ANK3: variants seen among roughly 807,000 people sequenced by gnomAD.
ANK3 encodes the protein ankyrin-3.
ANK3 carries 57 observed loss-of-function variants against 370.9 expected under a neutral mutation model. The observed-to-expected ratio is 0.15, with a 90% CI of 0.12 to 0.19. The LOEUF (loss-of-function observed/expected upper bound fraction) is 0.19. Ranked by LOEUF, ANK3 falls within the 10% of genes least tolerant of loss-of-function variation. The pLI, the probability that ANK3 is intolerant of heterozygous loss-of-function variation, is 1.00. For synonymous variants in ANK3, 1,929 were observed against 1,946.3 expected, an observed-to-expected ratio of 0.99 and a Z score of 0.23; for missense variants, 4,439 against 5,302.1, an observed-to-expected ratio of 0.84 and a Z score of 5.06.
chr10:60,294,231 ATT>A (rs1241502600), intron 1 of ANK3, among the ~76,000 whole-genome samples: 4 of 152,116 alleles, frequency 2.6e-5, no homozygotes, highest in Non-Finnish European at 5.9e-5. Context: ...AAACATAACT[ATT>A]TTCTTGCAAT....
intron 2 of ANK3, among the ~76,000 whole-genome samples, chr10:60,543,055 A>G (rs2076885525): frequency 6.6e-6 from 1 of 151,984 alleles, no homozygotes; most frequent in Admixed American, 6.6e-5. Flanking sequence ...GGATTGTGCT[A>G]TCTATATTAC....
intron 1 of ANK3, among the ~76,000 whole-genome samples, chr10:60,682,519 G>A (rs74155686): frequency 1.6e-4 from 24 of 151,952 alleles, no homozygotes; most frequent in East Asian, 1.9e-4. Context: ...GTGTTAGGCC[G>A]CAGGCACAGG....
intron 1 of ANK3, among the ~76,000 whole-genome samples, chr10:60,358,189 A>T (rs948734396): frequency 6.6e-6 from 1 of 151,990 alleles, no homozygotes; most frequent in African/African-American, 2.4e-5. Context: ...TATGTCATTT[A>T]TCTGCTGCAT....
chr10:60,693,048 A>C (rs1589036117), intron 1 of ANK3, among the ~76,000 whole-genome samples: 1 of 152,184 alleles, frequency 6.6e-6, no homozygotes, highest in South Asian at 2.1e-4. Context: ...GGTGCAGTGC[A>C]CCATGCACGA....
intron 42 of ANK3, among the ~76,000 whole-genome samples, chr10:60,049,805 G>T (rs1445283322): frequency 6.6e-6 from 1 of 152,148 alleles, no homozygotes; most frequent in Non-Finnish European, 1.5e-5. Context: ...AAAGGAAATA[G>T]CCCTTATTGA....
intron 1 of ANK3, among the ~76,000 whole-genome samples, chr10:60,324,084 GA>G (rs1293525617): frequency 6.6e-6 from 1 of 152,204 alleles, no homozygotes; most frequent in East Asian, 1.9e-4. Flanking sequence ...GTAACTAGAA[GA>G]AGACAGGGGA....
intron 40 of ANK3, 159 bp downstream of exon 40, chr10:60,062,952 C>G: frequency 1.5e-6 from 1 of 646,064 alleles, no homozygotes; most frequent in Non-Finnish European, 2.5e-6. Flanking sequence ...ACCAAGTTTG[C>G]TCTGATATCA....
chr10:60,535,034 C>G (rs1264061290), intron 2 of ANK3, among the ~76,000 whole-genome samples: 2 of 152,092 alleles, frequency 1.3e-5, no homozygotes, highest in Non-Finnish European at 2.9e-5. Context: ...CTGCTGGAAG[C>G]AAGTTGGGCT....
intron 28 of ANK3, among the ~76,000 whole-genome samples, chr10:60,089,614 G>C (rs2087687147): frequency 6.6e-6 from 1 of 152,078 alleles, no homozygotes; most frequent in Admixed American, 6.6e-5. Context: ...AGATTAGCAA[G>C]AGTATTTTGG....
Position 60,113,081 on chromosome 10 carries a change from G to C in ANK3, c.2948+1144C>G, listed in dbSNP as rs371278531. Among the ~76,000 whole-genome samples the C allele has an allele frequency of 2.6e-5, 4 of 152,168 alleles. No homozygotes were observed. In the East Asian group the frequency reaches 7.7e-4, roughly 29 times the overall value. ...CTAATTTATTAATTCAGTAATTGAA[G>C]CAGGTCCCCTTTTAGCCTCCTGCCT... On this transcript the variant is annotated intron_variant, in intron 26 of 43. Transcript: ENST00000280772.
At chr10:60,709,767 G>A (rs1389651680) in intron 1 of ANK3, among the ~76,000 whole-genome samples, 9 of 150,946 alleles carry the variant, frequency 6.0e-5, no homozygotes, top group Non-Finnish European at 1.0e-4. Flanking sequence ...GGTTGAGGCT[G>A]CAGTGAGCCA....
intron 40 of ANK3, chr10:60,059,705 T>C (rs770952279): frequency 1.2e-6 from 2 of 1,611,720 alleles, no homozygotes; most frequent in East Asian, 2.2e-5. Flanking sequence ...CACTCAGACA[T>C]ACATTCTCCA....
At chr10:60,091,212 C>T (rs141916633) in intron 28 of ANK3, among the ~76,000 whole-genome samples, 308 of 152,264 alleles carry the variant, frequency 2.0e-3, no homozygotes, top group African/African-American at 7.0e-3. Context: ...GGCAGCATTG[C>T]TTATAAAGAC....
At chr10:60,213,341 T>C in intron 9 of ANK3, 71 bp downstream of exon 9, 3 of 1,035,734 alleles carry the variant, frequency 2.9e-6, no homozygotes, top group Non-Finnish European at 4.4e-6. Context: ...TTCTATGTGA[T>C]TCAAAAGGCT....
chr10:60,492,072 T>C (rs935939600), intron 2 of ANK3, among the ~76,000 whole-genome samples: 10 of 152,310 alleles, frequency 6.6e-5, no homozygotes, highest in African/African-American at 2.4e-4. Flanking sequence ...TATTATCTTC[T>C]TACACTATTC....
intron 25 of ANK3, among the ~76,000 whole-genome samples, chr10:60,133,109 A>G (rs1455650479): frequency 6.6e-6 from 1 of 152,188 alleles, no homozygotes; most frequent in South Asian, 2.1e-4. Context: ...GGGAGTCCCA[A>G]AAGTCTACCT....
At chr10:60,341,732 A>C (rs2054328262) in intron 1 of ANK3, among the ~76,000 whole-genome samples, 1 of 152,150 alleles carries the variant, frequency 6.6e-6, no homozygotes, top group African/African-American at 2.4e-5. Flanking sequence ...GCACTGAGTG[A>C]TTGGTTTTTG....
chr10:60,142,245 C>T lies in ANK3; in HGVS notation c.2615-3158G>A, dbSNP rs1340295494. Among the ~76,000 whole-genome samples the T allele has an allele frequency of 2.6e-5, 4 of 152,078 alleles. No individual in the cohort carries two copies. The East Asian group carries it at 7.7e-4, about 29-fold the overall frequency. On this transcript the variant is annotated intron_variant, in intron 23 of 43. Transcript: ENST00000280772. ...TCCTTAAACTCTTTAGACTTTGAGC[C>T]TTTACTAGGGTGTATTCTCTTGATG...
At chr10:60,067,800 TA>T (rs2081942242) in intron 38 of ANK3, 134 bp downstream of exon 38, 1 of 595,964 alleles carries the variant, frequency 1.7e-6, no homozygotes, top group African/African-American at 1.8e-5. Context: ...TCTGGGTAGA[TA>T]AAATTATTGG....
Sources: allele counts gnomAD v4.1 joint callset (sites outside exome capture counted in the v4.1 genomes callset), GRCh38; gene constraint gnomAD v4.1.1; transcripts MANE v1.5; gene names NCBI Gene and HGNC (gene_info 2026-07-23, HGNC 2026-07-21).